Variants in MSH3 observed in about 807,000 individuals in gnomAD.
MSH3 encodes DNA mismatch repair protein Msh3.
In MSH3, 106 loss-of-function variants were observed where a neutral mutation model predicts 123.3. The ratio of observed to expected loss-of-function variants is 0.86; its 90% CI spans 0.73 to 1.01. The LOEUF (loss-of-function observed/expected upper bound fraction) is 1.01, where lower values mean the gene tolerates loss of function less well. Among genes scored for constraint, MSH3 ranks in the 50% least tolerant of loss-of-function variants. The pLI is 0.00. For synonymous variants in MSH3, 515 were observed against 481.4 expected (o/e 1.07, Z -0.91); for missense variants, 1,459 against 1,347.6 (o/e 1.08, Z -1.29).
In MSH3 at chr5:80,654,799, G is replaced by A. The variant is rs2112797155; in HGVS notation, c.72G>A (p.Leu24=). 6.2e-7 allele frequency: 1 copy of A among 1,607,026 alleles called. No homozygotes were observed. Among genetic ancestry groups the A allele is most frequent in the East Asian group, 2.3e-5 (1 of 43,626 alleles). Residue 24 remains leucine, a synonymous_variant, in exon 1 of 24, where the codon TTG becomes TTA. Transcript: ENST00000265081. ...SSSAPARQAV[L]SRFFQSTGSL... is the part of the protein sequence containing the mutation. Reference sequence around the variant, plus strand: ...CAGCCCCTGCGAGGCAAGCGGTTTTGAGCCGATTCTTCCAGTCTACGGGAA... The same window carrying A: ...CAGCCCCTGCGAGGCAAGCGGTTTTAAGCCGATTCTTCCAGTCTACGGGAA...
At chr5:80,711,857 T>G (rs938549123) in intron 8 of MSH3, among the ~76,000 whole-genome samples, 1 of 152,090 alleles carries the variant, frequency 6.6e-6, no homozygotes, top group Non-Finnish European at 1.5e-5. Flanking sequence ...TTTCACCATG[T>G]GGGCCAGGCT....
intron 12 of MSH3, among the ~76,000 whole-genome samples, chr5:80,748,717 C>CTT: frequency 6.6e-6 from 1 of 151,428 alleles, no homozygotes; most frequent in African/African-American, 2.4e-5. Flanking sequence ...CACACACACA[C>CTT]ACACACACAC....
intron 22 of MSH3, among the ~76,000 whole-genome samples, chr5:80,872,390 C>T (rs1265509138): frequency 1.3e-5 from 2 of 152,100 alleles, no homozygotes; most frequent in Non-Finnish European, 2.9e-5. Context: ...TCACCTTGAA[C>T]CTGGAAGATT....
chr5:80,784,324 G>A (rs1310930807), intron 17 of MSH3, among the ~76,000 whole-genome samples: 1 of 151,778 alleles, frequency 6.6e-6, no homozygotes, highest in Non-Finnish European at 1.5e-5. Flanking sequence ...CGGGTTTAGG[G>A]TGACTCTTAA....
intron 18 of MSH3, among the ~76,000 whole-genome samples, chr5:80,789,452 C>T (rs1223926932): frequency 6.6e-6 from 1 of 151,452 alleles, no homozygotes; most frequent in South Asian, 2.1e-4. Flanking sequence ...CTCACTGCAA[C>T]CTCTGCCTCC....
intron 19 of MSH3, among the ~76,000 whole-genome samples, chr5:80,794,072 C>T (rs982678939): frequency 6.6e-6 from 1 of 152,180 alleles, no homozygotes; most frequent in South Asian, 2.1e-4. Context: ...TCTGGGTTTA[C>T]TAATTGTTTG....
intron 8 of MSH3, among the ~76,000 whole-genome samples, chr5:80,696,755 G>T (rs1750491990): frequency 6.6e-6 from 1 of 152,076 alleles, no homozygotes. Context: ...TTATTTTAGA[G>T]ATTGCTCTAT....
At chr5:80,671,796 G>A (rs963278241) in intron 4 of MSH3, among the ~76,000 whole-genome samples, 1 of 152,110 alleles carries the variant, frequency 6.6e-6, no homozygotes, top group African/African-American at 2.4e-5. Flanking sequence ...AGCCAGCCTG[G>A]GGTTTCTCTT....
chr5:80,689,182 CTG>C (rs1344350155), intron 8 of MSH3, among the ~76,000 whole-genome samples: 4 of 152,040 alleles, frequency 2.6e-5, no homozygotes, highest in Admixed American at 6.6e-5. Context: ...TGCAGAAGAG[CTG>C]TTCAGTGAGT....
At chr5:80,839,896 G>A (rs1745585833) in intron 20 of MSH3, among the ~76,000 whole-genome samples, 1 of 152,054 alleles carries the variant, frequency 6.6e-6, no homozygotes, top group Admixed American at 6.6e-5. Context: ...ACCCTCCCCA[G>A]CCCTACTCAC....
chr5:80,836,586 T>C (rs1745519133), intron 20 of MSH3, among the ~76,000 whole-genome samples: 1 of 148,032 alleles, frequency 6.8e-6, no homozygotes, highest in Admixed American at 6.7e-5. Flanking sequence ...TAGTTTTCCC[T>C]CAGTATCTGC....
At chr5:80,819,466 GTATA>G (rs3073812) in intron 20 of MSH3, among the ~76,000 whole-genome samples, 2 of 145,728 alleles carry the variant, frequency 1.4e-5, no homozygotes, top group African/African-American at 2.6e-5. Flanking sequence ...GTGTGTGTGT[GTATA>G]TATATATATA....
chr5:80,697,450 G>A lies in MSH3; in HGVS notation c.1340+18357G>A, dbSNP rs529153456. ...CATATAATCAGTGAATCAAACCTGTGATTTCATAAATGTGTTGCAAAGAAA... is the reference window on the plus strand; with the variant it reads ...CATATAATCAGTGAATCAAACCTGTAATTTCATAAATGTGTTGCAAAGAAA... On this transcript the variant is annotated intron_variant, in intron 8 of 23. Transcript: ENST00000265081. 6.6e-5 allele frequency among the ~76,000 whole-genome samples: 10 copies of A among 152,304 alleles called. No homozygotes were observed. The South Asian group carries it at 1.9e-3, about 28-fold the overall frequency.
intron 8 of MSH3, among the ~76,000 whole-genome samples, chr5:80,692,669 TA>T (rs1750329731): frequency 1.1e-5 from 1 of 91,000 alleles, no homozygotes; most frequent in Non-Finnish European, 2.7e-5. Flanking sequence ...TATACACATG[TA>T]TATGTTTATG....
At chr5:80,754,879 T>C (rs375649055) in intron 12 of MSH3, among the ~76,000 whole-genome samples, 7 of 152,318 alleles carry the variant, frequency 4.6e-5, no homozygotes, top group African/African-American at 1.7e-4. Flanking sequence ...AATAGAATGT[T>C]GCATATTTCC....
At chr5:80,825,877 T>C (rs552384433) in intron 20 of MSH3, among the ~76,000 whole-genome samples, 2 of 152,360 alleles carry the variant, frequency 1.3e-5, no homozygotes, top group South Asian at 4.1e-4. Flanking sequence ...TCCATGTGCA[T>C]ACTGTGCCTG....
chr5:80,824,077 G>A (rs945756587), intron 20 of MSH3, among the ~76,000 whole-genome samples: 1 of 152,186 alleles, frequency 6.6e-6, no homozygotes, highest in African/African-American at 2.4e-5. Context: ...GCAAAATGGA[G>A]TCTCCTATGT....
At chr5:80,752,282 G>A (rs968618430) in intron 12 of MSH3, among the ~76,000 whole-genome samples, 3 of 151,946 alleles carry the variant, frequency 2.0e-5, no homozygotes, top group African/African-American at 7.2e-5. Context: ...CTGGGAACAT[G>A]TCTTTGTATA....
intron 12 of MSH3, among the ~76,000 whole-genome samples, chr5:80,758,179 T>G (rs972830810): frequency 2.0e-5 from 3 of 152,220 alleles, no homozygotes; most frequent in Non-Finnish European, 4.4e-5. Flanking sequence ...TCCCACTTGT[T>G]GTTCACTTTG....
Sources: allele counts gnomAD v4.1 joint callset (sites outside exome capture counted in the v4.1 genomes callset), GRCh38; gene constraint gnomAD v4.1.1; transcripts MANE v1.5; gene names NCBI Gene and HGNC (gene_info 2026-07-23, HGNC 2026-07-21).